EEF1D: variants seen among roughly 807,000 people sequenced by gnomAD.
EEF1D encodes the protein eukaryotic translation elongation factor 1 delta, also known as elongation factor 1-delta.
In EEF1D, 47 loss-of-function variants were observed where a neutral mutation model predicts 63.9. That is an observed-to-expected ratio of 0.74 (90% CI 0.58 to 0.94). The LOEUF is 0.94. Ranked by LOEUF, EEF1D falls within the 40% of genes least tolerant of loss-of-function variation. The pLI is 0.00. For missense variants in EEF1D, 907 were observed against 899.0 expected (o/e 1.01, Z -0.11); for synonymous variants, 412 against 386.1 (o/e 1.07, Z -0.79).
At chr8:143,580,363 G>A (rs960489889) in intron 8 of EEF1D, 143 bp downstream of exon 8, 33 of 1,256,786 alleles carry the variant, frequency 2.6e-5, no homozygotes, top group Non-Finnish European at 3.5e-5. Flanking sequence ...CTGCCTCCAA[G>A]TTTGTGTTTA....
At chr8:143,596,153 G>A (rs930155981) in intron 1 of EEF1D, 1 of 152,598 alleles carries the variant, frequency 6.6e-6, no homozygotes, top group African/African-American at 2.4e-5. Context: ...TAGTCCTCCA[G>A]AGGAGGCGGG....
chr8:143,592,023 A>G (rs1828048544), intron 2 of EEF1D: 2 of 980,862 alleles, frequency 2.0e-6, no homozygotes, highest in Non-Finnish European at 2.4e-6. Context: ...GGGAGGCCAC[A>G]GGGCCCATGA....
At chr8:143,579,904 G>C (rs1252023064) in intron 9 of EEF1D, 74 bp from the exon 10 acceptor site, 3 of 1,543,780 alleles carry the variant, frequency 1.9e-6, no homozygotes, top group Non-Finnish European at 2.6e-6. Flanking sequence ...CTCCTCTGAG[G>C]TGGGGTTCAC....
At chr8:143,586,611 G>A (rs1826692283) in intron 4 of EEF1D, 118 bp downstream of exon 4, 1 of 1,431,520 alleles carries the variant, frequency 7.0e-7, no homozygotes, top group South Asian at 1.3e-5. Context: ...AGCACCCACA[G>A]CAGAGCCACT....
At chr8:143,596,860 T>C (rs958917701) in intron 1 of EEF1D, 2 of 152,294 alleles carry the variant, frequency 1.3e-5, no homozygotes, top group African/African-American at 4.8e-5. Flanking sequence ...AGTACAGGCT[T>C]ATTCCTTTCC....
Position 143,580,944 on chromosome 8 carries a change from T to C in EEF1D, c.1488+110A>G. 3 of 1,313,668 alleles carry C rather than the reference T, an allele frequency of 2.3e-6. No homozygotes were observed. The South Asian group carries it at 3.8e-5, about 17-fold the overall frequency. 81.4% of individuals were successfully genotyped at this position (1,313,668 alleles called of 1,614,324 possible). The stretch of plus-strand genomic sequence containing the variant: ...CTTCCTGGGGACCTGAGGACTCCAG[T>C]ATCCTGGCTGCCAGCTCATCACTGC... On this transcript the variant is annotated intron_variant, in intron 7 of 9. Coordinates refer to ENST00000618139, the MANE Select transcript of EEF1D (RefSeq NM_001130053.5).
rs746287618 is a variant in EEF1D, at chr8:143,589,264, C to T, written c.818G>A (p.Arg273Gln). 1.4e-5 allele frequency: 23 copies of T among 1,587,320 alleles called. No individual in the cohort carries two copies. The highest frequency in any genetic ancestry group is 1.1e-4 in the Admixed American group (6 of 57,034). ...GCGGCCCCGCCGGTCTCTGCGGCCC[C>T]GCCGGGCACCCTCGGCCAGGCCGGC... ...ERAGLAEGAR[R>Q]GRRDRRGRNI... Residue 273 changes from arginine to glutamine, a missense_variant, in exon 3 of 10, where the codon CGG (arginine) becomes CAG (glutamine). By Grantham distance (43) the Arg-to-Gln change is conservative. Transcript: ENST00000618139.
In EEF1D at chr8:143,589,040, G is replaced by A. The variant is rs755055642; in HGVS notation, c.1042C>T (p.His348Tyr). ...AGGCCAGACCGAGGACCGGGTCGGT[G>A]AGACAGGGAGGCAGCTTCGAGGCAC... ...AWCLEAASLS[H>Y]RPGPRSGLSV... Residue 348 changes from histidine to tyrosine, a missense_variant, in exon 3 of 10, where the codon CAC (histidine) becomes TAC (tyrosine). By Grantham distance (83) the His-to-Tyr change is moderately conservative. Coordinates refer to ENST00000618139, the MANE Select transcript of EEF1D (RefSeq NM_001130053.5). The A allele has an allele frequency of 1.2e-6, 2 of 1,604,880 alleles. No homozygotes were observed. The highest frequency in any genetic ancestry group is 2.7e-5 in the African/African-American group (2 of 75,038).
Position 143,590,088 on chromosome 8 carries a change from G to C in EEF1D, c.1-7C>G, listed in dbSNP as rs1469712379. 1.9e-6 allele frequency: 3 copies of C among 1,598,194 alleles called. No individual in the cohort carries two copies. The highest frequency in any genetic ancestry group is 2.5e-6 in the Non-Finnish European group (3 of 1,179,860). On this transcript the variant is annotated splice_region_variant and splice_polypyrimidine_tract_variant and intron_variant, in intron 2 of 9. Coordinates refer to ENST00000618139, the MANE Select transcript of EEF1D (RefSeq NM_001130053.5). ...AGGCCTTCCCGCTCCTCATCTTCCG[G>C]ACACAGCGATAAAAAGCAAGCAGAG...
At chr8:143,593,330 C>T (rs961034365) in intron 1 of EEF1D, among the ~76,000 whole-genome samples, 2 of 152,176 alleles carry the variant, frequency 1.3e-5, no homozygotes, top group Admixed American at 6.5e-5. Context: ...CGGCTGGAGA[C>T]ACTAGGTGTC....
At chr8:143,595,689 T>C (rs959254249) in intron 1 of EEF1D, among the ~76,000 whole-genome samples, 3 of 152,162 alleles carry the variant, frequency 2.0e-5, no homozygotes, top group African/African-American at 7.2e-5. Flanking sequence ...ACCACGTCTT[T>C]TCTTAAATGC....
In EEF1D at chr8:143,580,179, G is replaced by C. The variant is rs1171371206; in HGVS notation, c.1738C>G (p.Leu580Val). 1 of 1,613,682 alleles carries C rather than the reference G, an allele frequency of 6.2e-7. No individual in the cohort carries two copies. The highest frequency in any genetic ancestry group is 1.1e-5 in the South Asian group (1 of 91,082). The change falls in exon 9 of 10, where the codon CTG becomes GTG. Residue 580 changes from leucine to valine, a missense_variant. By Grantham distance (32) the Leu-to-Val change is conservative (BLOSUM62 1). Transcript: ENST00000618139. The part of the protein sequence containing the change: ...PWDDETDMAQ[L>V]EACVRSIQLD... The stretch of plus-strand genomic sequence containing the variant: ...TGGATAGAGCGCACACAGGCCTCCA[G>C]CTGGGCCATGTCCGTCTCATCATCC...
chr8:143,587,723 C>T (rs1826978071), intron 3 of EEF1D, among the ~76,000 whole-genome samples: 1 of 152,226 alleles, frequency 6.6e-6, no homozygotes, highest in Admixed American at 6.5e-5. Flanking sequence ...GAATTGCTGC[C>T]CTAGACAGGG....
chr8:143,586,378 T>A (rs912758943), intron 4 of EEF1D, 88 bp from the exon 5 acceptor site: 15 of 1,234,426 alleles, frequency 1.2e-5, no homozygotes, highest in Non-Finnish European at 1.6e-5. Flanking sequence ...CCATGAACCC[T>A]CACATAGAGA....
intron 7 of EEF1D, 163 bp downstream of exon 7, chr8:143,580,891 C>T (rs1825368356): frequency 3.6e-6 from 4 of 1,122,946 alleles, no homozygotes; most frequent in Non-Finnish European, 5.1e-6. Context: ...CAAAAACTGC[C>T]TCCACCTGCC....
Position 143,589,457 on chromosome 8 carries a change from C to A in EEF1D, c.625G>T (p.Ala209Ser). 6.5e-7 allele frequency: 1 copy of A among 1,530,098 alleles called. No homozygotes were observed. Among genetic ancestry groups the A allele is most frequent in the Non-Finnish European group, 8.8e-7 (1 of 1,134,480 alleles). The allele number at this position is 1,530,098 out of a possible 1,614,324, so 94.8% of individuals were successfully genotyped here. The change falls in exon 3 of 10, where the codon GCC (alanine) becomes TCC (serine). Residue 209 changes from alanine to serine, a missense_variant. Ala to Ser is a moderately conservative substitution (Grantham distance 99). Transcript: ENST00000618139. ...TTGACCGGTGGGCTGGGCTGGTGGG[C>A]CAGGTCGGGGACGGCCACCTGCTGG... ...TGQQVAVPDL[A>S]HQPSPPVNGQ...
intron 7 of EEF1D, 80 bp downstream of exon 7, chr8:143,580,974 G>A (rs948013000): frequency 1.4e-6 from 2 of 1,474,468 alleles, no homozygotes; most frequent in Admixed American, 3.4e-5. Context: ...CACTGCTGCT[G>A]GGGCCAGCCC....
chr8:143,597,252 C>T (rs1002601339), intron 1 of EEF1D, 96 bp downstream of exon 1: 1 of 152,206 alleles, frequency 6.6e-6, no homozygotes, highest in Non-Finnish European at 1.5e-5. Flanking sequence ...TCCCTAACGG[C>T]GCGAGCTTCT....
chr8:143,596,239 G>A (rs571561355), intron 1 of EEF1D: 3 of 152,446 alleles, frequency 2.0e-5, no homozygotes, highest in East Asian at 3.9e-4. Context: ...GCAGCCCAGG[G>A]GAGATGCTGC....
Sources: gnomAD v4.1 joint callset for allele counts (sites outside exome capture counted in the v4.1 genomes callset) on GRCh38, gnomAD v4.1.1 for gene constraint, MANE v1.5 for transcripts, NCBI Gene and HGNC (gene_info 2026-07-23, HGNC 2026-07-21) for gene names.